SERPINB6: variants seen among roughly 807,000 people sequenced by gnomAD.
SERPINB6 encodes the protein serpin B6.
SERPINB6 carries 16 observed loss-of-function variants against 26.1 expected under a neutral mutation model. The ratio of observed to expected loss-of-function variants is 0.61; its 90% CI spans 0.42 to 0.93. The LOEUF is 0.93. Among genes scored for constraint, SERPINB6 ranks in the 40% least tolerant of loss-of-function variants. The probability of loss-of-function intolerance (pLI) is 0.00; values close to 1 mark genes in which losing one functional copy is unlikely to be tolerated. For missense variants in SERPINB6, 420 were observed against 478.0 expected (o/e 0.88, Z 1.13); for synonymous variants, 174 against 176.6 (o/e 0.99, Z 0.11).
At chr6:2,953,288 G>A in intron 4 of SERPINB6, 102 bp from the exon 5 acceptor site, 1 of 1,479,226 alleles carries the variant, frequency 6.8e-7, no homozygotes, top group Non-Finnish European at 9.4e-7. Flanking sequence ...CAAGTGCACG[G>A]ATAGAGAGTT....
chr6:2,969,405 TTG>T (rs1771927307), intron 1 of SERPINB6: 20 of 967,890 alleles, frequency 2.1e-5, no homozygotes, highest in Non-Finnish European at 2.5e-5. Flanking sequence ...GCAAAATTAA[TTG>T]TTTCAAAATT....
At chr6:2,969,567 C>T in intron 1 of SERPINB6, 1 of 985,280 alleles carries the variant, frequency 1.0e-6, no homozygotes, top group African/African-American at 1.7e-5. Context: ...CCTGTAGCAT[C>T]ACCAGTAACT....
intron 2 of SERPINB6, 123 bp from the exon 3 acceptor site, chr6:2,955,793 G>A (rs1327164528): frequency 9.9e-6 from 11 of 1,115,830 alleles, no homozygotes; most frequent in Admixed American, 4.2e-5. Flanking sequence ...AGATCTATCC[G>A]AGGCTGGGCG....
At chr6:2,966,556 C>T (rs891422932) in intron 1 of SERPINB6, 49 of 224,548 alleles carry the variant, frequency 2.2e-4, no homozygotes, top group African/African-American at 9.4e-4. Context: ...AGTGAACCTA[C>T]GGTGAACTGT....
rs144895010 is a variant in SERPINB6, at chr6:2,948,935, G to A, written c.708C>T (p.Asp236=). 411 of 1,614,200 alleles carry A rather than the reference G, an allele frequency of 2.5e-4. 5 individuals are homozygous for A. Among genetic ancestry groups the A allele is most frequent in the African/African-American group, 2.5e-3 (190 of 75,050 alleles). The change falls in exon 6 of 7, where the codon GAC becomes GAT. Residue 236 remains aspartate, a synonymous_variant. Coordinates refer to ENST00000380539, the MANE Select transcript of SERPINB6 (RefSeq NM_004568.6). This position sits in a 1 kb window ranked among gnomAD's most constrained non-coding sequence, Gnocchi z 5.0. ...KELNMIIMLP[D]ETTDLRTVEK... is the part of the protein sequence containing the mutation. Reference sequence around the variant, plus strand: ...TTACCGTTCTCAAGTCAGTGGTCTCGTCCGGAAGCATGATGATCATATTCA... The same window carrying A: ...TTACCGTTCTCAAGTCAGTGGTCTCATCCGGAAGCATGATGATCATATTCA...
chr6:2,968,388 A>G (rs757994909), intron 1 of SERPINB6: 37 of 682,418 alleles, frequency 5.4e-5, no homozygotes, highest in Non-Finnish European at 6.3e-5. Context: ...TAACCTGCAC[A>G]ACAACCTGCG....
intron 2 of SERPINB6, 36 bp downstream of exon 2, chr6:2,959,132 A>T: frequency 1.2e-6 from 2 of 1,610,888 alleles, no homozygotes; most frequent in Non-Finnish European, 1.7e-6. Flanking sequence ...AGCTAACTTG[A>T]CAGTTAATAG....
At chr6:2,962,338 T>C (rs1771212741) in intron 1 of SERPINB6, among the ~76,000 whole-genome samples, 1 of 152,102 alleles carries the variant, frequency 6.6e-6, no homozygotes, top group Admixed American at 6.6e-5. Flanking sequence ...CACATGAGTT[T>C]TACTGTGTCA....
intron 5 of SERPINB6, among the ~76,000 whole-genome samples, chr6:2,949,959 G>T (rs1769591497): frequency 6.6e-6 from 1 of 152,144 alleles, no homozygotes; most frequent in Non-Finnish European, 1.5e-5. Context: ...CCTGGAGAGT[G>T]AACTTCTGCC....
intron 1 of SERPINB6, chr6:2,969,537 C>T (rs767279060): frequency 5.2e-5 from 51 of 985,338 alleles, no homozygotes; most frequent in Middle Eastern, 5.2e-4. Context: ...ACAAATCTAT[C>T]CTGGCATCAC....
At position 2,949,199 on chromosome 6, in the gene SERPINB6, G is replaced by A. The variant is rs574685797; in HGVS notation, c.574-130C>T. 2.1e-4 allele frequency: 213 copies of A among 1,009,366 alleles called. 2 individuals carry two copies. The highest frequency in any genetic ancestry group is 1.1e-3 in the South Asian group (79 of 72,986). 62.5% of individuals were successfully genotyped at this position (1,009,366 alleles called of 1,614,324 possible). ...TTTCTCCCCAGCTTCCAGAACACCC[G>A]GCAGCGCCTGCTCTGCCATCTTCAT... On this transcript the variant is annotated intron_variant, in intron 5 of 6. Transcript: ENST00000380539.
At chr6:2,968,712 T>A in intron 1 of SERPINB6, 1 of 1,231,346 alleles carries the variant, frequency 8.1e-7, no homozygotes, top group Non-Finnish European at 1.0e-6. Context: ...CAAACATTCC[T>A]AACAACCCTT....
intron 1 of SERPINB6, 121 bp downstream of exon 1, chr6:2,971,412 G>A: frequency 6.3e-6 from 1 of 158,272 alleles, no homozygotes; most frequent in Non-Finnish European, 1.4e-5. Context: ...ACCCACGCGC[G>A]TTCCCGGCCC....
chr6:2,954,844 C>A, intron 3 of SERPINB6, 135 bp from the exon 4 acceptor site: 1 of 702,938 alleles, frequency 1.4e-6, no homozygotes, highest in East Asian at 2.7e-5. Flanking sequence ...AATATGAGGA[C>A]TTAACCTAAA....
chr6:2,970,194 T>A, intron 1 of SERPINB6: 3 of 985,302 alleles, frequency 3.0e-6, no homozygotes, highest in Non-Finnish European at 3.6e-6. Flanking sequence ...TTATTACATA[T>A]GTGGAAAAGA....
chr6:2,959,666 A>C (rs948931269), intron 1 of SERPINB6: 4 of 398,810 alleles, frequency 1.0e-5, no homozygotes, highest in Non-Finnish European at 4.7e-6. Flanking sequence ...CAGAAGGGGC[A>C]CTGGCTTTTG....
rs769388584 is a variant in SERPINB6 at position 2,966,323 on chromosome 6, TG to T, written c.-11+5209del. On this transcript the variant is annotated intron_variant, in intron 1 of 6. Coordinates refer to ENST00000380539, the MANE Select transcript of SERPINB6 (RefSeq NM_004568.6). ...CAAACAATATATTTCAATTTGCTGA[TG>T]TTTTTTTTTCTTCTTGTTCTAATTG... 377 of 788,220 alleles carry T rather than the reference TG, an allele frequency of 4.8e-4. 1 individual carries two copies. Among genetic ancestry groups the T allele is most frequent in the African/African-American group, 4.3e-3 (242 of 55,860 alleles). 48.8% of individuals were successfully genotyped at this position (788,220 alleles called of 1,614,324 possible).
In SERPINB6 at chr6:2,954,617, G is replaced by A. The variant is rs765731764; in HGVS notation, c.405C>T (p.Asn135=). The A allele has an allele frequency of 9.9e-6, 16 of 1,613,650 alleles. No individual in the cohort carries two copies. The highest frequency in any genetic ancestry group is 1.3e-5 in the Non-Finnish European group (15 of 1,179,712). Reference sequence around the variant, plus strand: ...CTTCTGTCTTTTCAGCTACCCAGGTGTTTATGTGTTTTCTGGACTTCTCTA... The same window carrying A: ...CTTCTGTCTTTTCAGCTACCCAGGTATTTATGTGTTTTCTGGACTTCTCTA... ...SAVEKSRKHI[N]TWVAEKTEGK... The change falls in exon 4 of 7, where the codon AAC becomes AAT. Residue 135 remains asparagine, a synonymous_variant. Coordinates refer to ENST00000380539, the MANE Select transcript of SERPINB6 (RefSeq NM_004568.6).
chr6:2,970,266 G>A, intron 1 of SERPINB6: 1 of 985,408 alleles, frequency 1.0e-6, no homozygotes, highest in Non-Finnish European at 1.2e-6. Context: ...ACTGTTTCAT[G>A]CTGAATTGTA....
Sources: gnomAD v4.1 joint callset for allele counts (sites outside exome capture counted in the v4.1 genomes callset) on GRCh38, gnomAD v4.1.1 for gene constraint, Gnocchi (gnomAD v3.1) non-coding constraint, MANE v1.5 for transcripts, NCBI Gene and HGNC (gene_info 2026-07-23, HGNC 2026-07-21) for gene names.